Variants in ZNF426 observed in about 807,000 individuals in gnomAD.
ZNF426 encodes CTC-543D15.7.
In ZNF426, 23 loss-of-function variants were observed where a neutral mutation model predicts 24.0. The ratio of observed to expected loss-of-function variants is 0.96; its 90% CI spans 0.69 to 1.36. The LOEUF (loss-of-function observed/expected upper bound fraction) is 1.36. Among genes scored for constraint, ZNF426 ranks in the 40% most tolerant of loss-of-function variants. The probability of loss-of-function intolerance (pLI) is 0.00; values close to 1 mark genes in which losing one functional copy is unlikely to be tolerated. For missense variants in ZNF426, 646 were observed against 658.4 expected, an observed-to-expected ratio of 0.98 and a Z score of 0.21; for synonymous variants, 272 against 224.6, an observed-to-expected ratio of 1.21 and a Z score of -1.89.
chr19:9,530,868 C>T, intron 7 of ZNF426, 117 bp downstream of exon 7: 1 of 754,072 alleles, frequency 1.3e-6, no homozygotes, highest in Admixed American at 2.4e-5. Flanking sequence ...ATTCTTTGCT[C>T]CCTCTCATGT....
chr19:9,533,081 G>C (rs1405097123), intron 5 of ZNF426, among the ~76,000 whole-genome samples, 156 bp from the exon 6 acceptor site: 3 of 152,160 alleles, frequency 2.0e-5, no homozygotes, highest in Non-Finnish European at 2.9e-5. Context: ...AAACAGTCTG[G>C]TTACTTCTGT....
chr19:9,537,094 C>A (rs918377965), intron 2 of ZNF426, among the ~76,000 whole-genome samples: 1 of 151,582 alleles, frequency 6.6e-6, no homozygotes, highest in Non-Finnish European at 1.5e-5. Flanking sequence ...CACACCACTG[C>A]ACTCCAGCCT....
intron 5 of ZNF426, among the ~76,000 whole-genome samples, 192 bp from the exon 6 acceptor site, chr19:9,533,117 G>A (rs2073912105): frequency 6.6e-6 from 1 of 152,190 alleles, no homozygotes; most frequent in South Asian, 2.1e-4. Context: ...TCAGGCTTAT[G>A]TACACATTTA....
At chr19:9,535,336 T>A in intron 3 of ZNF426, 57 bp from the exon 4 acceptor site, 1 of 1,265,982 alleles carries the variant, frequency 7.9e-7, no homozygotes, top group Non-Finnish European at 1.1e-6. Flanking sequence ...CACATCCACC[T>A]ACCTAGAGGT....
Position 9,523,686 on chromosome 19 carries a change from C to G in ZNF426, c.*4694G>C, listed in dbSNP as rs999659642. The G allele has an allele frequency of 2.0e-5, 3 of 152,358 alleles. No individual in the cohort carries two copies. The South Asian group carries it at 6.2e-4, about 32-fold the overall frequency. The allele number at this position is 152,358 out of a possible 1,614,324, so 9.4% of individuals were successfully genotyped here. A position where few individuals can be genotyped will look rare whatever the true frequency, so the allele number is the denominator to read the frequency against. ...GGGATTAAACTGTTCCAGTTCAGAT[C>G]ATCAGGCATTAGATTCTCATAAGGA... On this transcript the variant is annotated 3_prime_UTR_variant, in exon 8 of 8. Coordinates refer to ENST00000253115, the MANE Select transcript of ZNF426 (RefSeq NM_024106.3).
At chr19:9,537,528 G>A (rs1007344824) in intron 2 of ZNF426, among the ~76,000 whole-genome samples, 1 of 148,954 alleles carries the variant, frequency 6.7e-6, no homozygotes, top group Non-Finnish European at 1.5e-5. Flanking sequence ...GGGCTCAAGA[G>A]ATCTTCCTGC....
rs907038218 is a variant in ZNF426 at position 9,536,370 on chromosome 19, T to C, written c.-124-14A>G. The C allele has an allele frequency of 3.2e-6, 5 of 1,568,918 alleles. No homozygotes were observed. In the African/African-American group the frequency reaches 4.1e-5, roughly 13 times the overall value. On this transcript the variant is annotated splice_polypyrimidine_tract_variant and intron_variant, in intron 2 of 7. Coordinates refer to ENST00000253115, the MANE Select transcript of ZNF426 (RefSeq NM_024106.3). ...TTATTGGGATTCCTGTTGGTATTAA[T>C]CAATAATCAACAAGCAGTACTTAAT...
At chr19:9,532,637 G>A (rs951916902) in intron 6 of ZNF426, among the ~76,000 whole-genome samples, 2 of 152,052 alleles carry the variant, frequency 1.3e-5, no homozygotes, top group African/African-American at 4.8e-5. Context: ...GTTGAATGCA[G>A]ATAACTGAAA....
chr19:9,531,808 C>T (rs1411297933), intron 6 of ZNF426, among the ~76,000 whole-genome samples: 2 of 152,116 alleles, frequency 1.3e-5, no homozygotes, highest in Non-Finnish European at 2.9e-5. Flanking sequence ...CACGGTGAAA[C>T]CCCGTCTCTA....
intron 6 of ZNF426, among the ~76,000 whole-genome samples, chr19:9,531,284 C>A (rs2073880221): frequency 6.6e-6 from 1 of 152,108 alleles, no homozygotes; most frequent in Non-Finnish European, 1.5e-5. Context: ...ACTCACGGGG[C>A]TCAGGCTGGA....
intron 3 of ZNF426, among the ~76,000 whole-genome samples, chr19:9,535,675 A>AT (rs34151124): frequency 0.17 from 26,088 of 151,604 alleles, 3,577 homozygotes; most frequent in African/African-American, 0.38. Flanking sequence ...CTACAAAAAA[A>AT]TTTTTTTAAT....
rs757920258 is a variant in ZNF426, at chr19:9,528,973, G to A, written c.1072C>T (p.His358Tyr). The change falls in exon 8 of 8, where the codon CAC becomes TAC. Residue 358 changes from histidine (H) to tyrosine (Y), a missense_variant. Physicochemically the swap from His to Tyr is moderately conservative, Grantham distance 83. Transcript: ENST00000253115. ...CATTCATAGGGCTTGTCTCCACTGT[G>A]AGATCGTACATGCATACTAAGGCCC... ...YSGLSMHVRS[H>Y]SGDKPYECKE... 1.0e-4 allele frequency: 169 copies of A among 1,613,776 alleles called. No homozygotes were observed. Among genetic ancestry groups the A allele is most frequent in the Non-Finnish European group, 1.4e-4 (165 of 1,179,936 alleles).
At chr19:9,530,356 G>A (rs2073864430) in intron 7 of ZNF426, among the ~76,000 whole-genome samples, 1 of 152,110 alleles carries the variant, frequency 6.6e-6, no homozygotes. Context: ...ATAGGAGGCT[G>A]AGGTGGGAGG....
chr19:9,528,094 T>C lies in ZNF426; in HGVS notation c.*286A>G. On this transcript the variant is annotated 3_prime_UTR_variant, in exon 8 of 8. Coordinates refer to ENST00000253115, the MANE Select transcript of ZNF426 (RefSeq NM_024106.3). The stretch of plus-strand genomic sequence containing the variant: ...ACCTCTGCTTCCTGGGTTCAAGTGA[T>C]TCACTTGCCTCAGCCTCCCAAGTAG... The C allele has an allele frequency of 3.6e-6, 1 of 280,380 alleles. No individual in the cohort carries two copies. The highest frequency in any genetic ancestry group is 6.7e-6 in the Non-Finnish European group (1 of 148,436). The allele number at this position is 280,380 out of a possible 1,614,324, so 17.4% of individuals were successfully genotyped here.
At position 9,524,823 on chromosome 19, in the gene ZNF426, A is replaced by ATAC. The variant is rs1287320627; in HGVS notation, c.*3554_*3556dup. ...AAAAAAAAAAATTCAAGAATTTATC[A>ATAC]TACTACTTATATTCACAGGGTTTCT... On this transcript the variant is annotated 3_prime_UTR_variant, in exon 8 of 8. Transcript: ENST00000253115. The ATAC allele has an allele frequency of 3.3e-5, 5 of 150,750 alleles. No homozygotes were observed. The highest frequency in any genetic ancestry group is 7.4e-5 in the Non-Finnish European group (5 of 67,828). The allele number at this position is 150,750 out of a possible 1,614,324, so 9.3% of individuals were successfully genotyped here. A position where few individuals can be genotyped will look rare whatever the true frequency, so the allele number is the denominator to read the frequency against.
At chr19:9,536,716 C>T in intron 2 of ZNF426, 1 of 207,654 alleles carries the variant, frequency 4.8e-6, no homozygotes, top group South Asian at 7.3e-5. Flanking sequence ...ATCTGCATCC[C>T]CAGCTCACAC....
intron 5 of ZNF426, 119 bp from the exon 6 acceptor site, chr19:9,533,044 T>C (rs2073910939): frequency 1.2e-6 from 1 of 823,874 alleles, no homozygotes; most frequent in East Asian, 2.5e-5. Flanking sequence ...GGGCGAAAAA[T>C]GCAAATAACA....
At chr19:9,529,736 T>C (rs2073854790) in intron 7 of ZNF426, 100 bp from the exon 8 acceptor site, 1 of 1,200,748 alleles carries the variant, frequency 8.3e-7, no homozygotes, top group African/African-American at 1.5e-5. Context: ...TTATAATTGA[T>C]GCCATTTTTA....
In ZNF426 at chr19:9,528,217, AC is replaced by A; in HGVS notation, c.*162del. The stretch of plus-strand genomic sequence containing the variant: ...TGGCCAGGGTGGTCTCAAACTCCTG[AC>A]CTCAAGTGATCCACCCACCTCAGCC... On this transcript the variant is annotated 3_prime_UTR_variant, in exon 8 of 8. Transcript: ENST00000253115. 1.4e-6 allele frequency: 1 copy of A among 701,458 alleles called. No individual in the cohort carries two copies. The highest frequency in any genetic ancestry group is 2.2e-5 in the South Asian group (1 of 46,470). The allele number at this position is 701,458 out of a possible 1,614,324, so 43.5% of individuals were successfully genotyped here. A position where few individuals can be genotyped will look rare whatever the true frequency, so the allele number is the denominator to read the frequency against.
Sources: gnomAD v4.1 joint callset for allele counts (sites outside exome capture counted in the v4.1 genomes callset) on GRCh38, gnomAD v4.1.1 for gene constraint, MANE v1.5 for transcripts, NCBI Gene and HGNC (gene_info 2026-07-23, HGNC 2026-07-21) for gene names.